The following SMYD3 variants were observed in gnomAD, a reference collection of about 807,000 sequenced individuals.
The protein encoded by SMYD3 is SET and MYND domain containing 3, also known as histone-lysine N-methyltransferase SMYD3.
A neutral mutation model predicts 57.7 loss-of-function variants in SMYD3; 36 were observed. The observed-to-expected ratio is 0.62, with a 90% CI of 0.48 to 0.82. The LOEUF is 0.82. SMYD3 is among the 40% of genes least tolerant of loss of function. The pLI is 0.00. For missense variants in SMYD3, 515 were observed against 538.8 expected (o/e 0.96, Z 0.44); for synonymous variants, 211 against 195.0 (o/e 1.08, Z -0.68).
intron 5 of SMYD3, among the ~76,000 whole-genome samples, chr1:246,144,428 A>G (rs1208203208): frequency 2.6e-5 from 4 of 152,192 alleles, no homozygotes; most frequent in African/African-American, 4.8e-5. Flanking sequence ...TAACATCTAA[A>G]ATACTGCAGC....
chr1:246,238,718 C>T (rs1306837109), intron 5 of SMYD3, among the ~76,000 whole-genome samples: 1 of 152,042 alleles, frequency 6.6e-6, no homozygotes, highest in Non-Finnish European at 1.5e-5. Context: ...GATTCTTCTA[C>T]CATTTCATTG....
intron 8 of SMYD3, among the ~76,000 whole-genome samples, chr1:245,907,507 G>C (rs1372827276): frequency 1.3e-5 from 2 of 152,100 alleles, no homozygotes; most frequent in African/African-American, 4.8e-5. Flanking sequence ...GACAATATTT[G>C]CCATCATGAA....
intron 5 of SMYD3, among the ~76,000 whole-genome samples, chr1:246,273,576 T>TA (rs1305127704): frequency 8.4e-5 from 5 of 59,624 alleles, no homozygotes; most frequent in African/African-American, 3.0e-4. Context: ...TTCACTAATC[T>TA]TTTTTTTTTT....
At chr1:246,383,689 T>C (rs1281331340) in intron 1 of SMYD3, among the ~76,000 whole-genome samples, 1 of 152,176 alleles carries the variant, frequency 6.6e-6, no homozygotes, top group African/African-American at 2.4e-5. Flanking sequence ...GGGTCAGGCA[T>C]GGTGGCTCAT....
chr1:246,210,202 C>A (rs2063064535), intron 5 of SMYD3, among the ~76,000 whole-genome samples: 3 of 152,134 alleles, frequency 2.0e-5, no homozygotes, highest in Admixed American at 2.0e-4. Flanking sequence ...CCAATGTGCC[C>A]TAAAGTTTGA....
chr1:246,177,835 A>T (rs1237071322), intron 5 of SMYD3, among the ~76,000 whole-genome samples: 2 of 152,172 alleles, frequency 1.3e-5, no homozygotes, highest in Admixed American at 1.3e-4. Context: ...CAATTAAAGA[A>T]TTTCTCCAAT....
chr1:245,885,259 T>A (rs1158610091), intron 8 of SMYD3, among the ~76,000 whole-genome samples: 1 of 152,166 alleles, frequency 6.6e-6, no homozygotes, highest in African/African-American at 2.4e-5. Flanking sequence ...ACTGTAACAC[T>A]CACCATGAGG....
intron 5 of SMYD3, among the ~76,000 whole-genome samples, chr1:246,223,083 G>T (rs774815390): frequency 6.6e-6 from 1 of 152,100 alleles, no homozygotes; most frequent in African/African-American, 2.4e-5. Context: ...CTTCCTGAAG[G>T]TTCCAGCAAA....
At chr1:246,164,690 G>A (rs1477490277) in intron 5 of SMYD3, among the ~76,000 whole-genome samples, 3 of 152,204 alleles carry the variant, frequency 2.0e-5, no homozygotes, top group East Asian at 1.9e-4. Context: ...CGTGTGCCAC[G>A]TGCCAGGCAC....
chr1:245,956,925 C>T (rs192283897), intron 5 of SMYD3, among the ~76,000 whole-genome samples: 2 of 152,348 alleles, frequency 1.3e-5, no homozygotes, highest in Admixed American at 1.3e-4. Flanking sequence ...TGGATGCCAG[C>T]TCTTGAGCAG....
At chr1:245,961,857 C>T (rs982885346) in intron 5 of SMYD3, among the ~76,000 whole-genome samples, 22 of 152,312 alleles carry the variant, frequency 1.4e-4, no homozygotes, top group African/African-American at 5.1e-4. Flanking sequence ...GCCATCACCT[C>T]GTCCTTTTAA....
chr1:246,461,707 C>G (rs1027707908), intron 1 of SMYD3, among the ~76,000 whole-genome samples: 3 of 138,998 alleles, frequency 2.2e-5, no homozygotes, highest in Non-Finnish European at 3.0e-5. Context: ...GCACTCCAGC[C>G]TGGGCAACAG....
intron 1 of SMYD3, among the ~76,000 whole-genome samples, chr1:246,463,682 A>C (rs1293975594): frequency 6.8e-6 from 1 of 147,828 alleles, no homozygotes; most frequent in African/African-American, 2.5e-5. Context: ...AAAAAAAAAA[A>C]AACATTAGCT....
At chr1:245,916,280 G>A (rs151231028) in intron 7 of SMYD3, among the ~76,000 whole-genome samples, 13 of 152,186 alleles carry the variant, frequency 8.5e-5, no homozygotes, top group East Asian at 5.8e-4. Flanking sequence ...CCCCTGCCTC[G>A]GATGGTGAAG....
At chr1:246,310,187 A>ACTCCTATCCCAC (rs771249598) in intron 5 of SMYD3, among the ~76,000 whole-genome samples, 2,357 of 152,356 alleles carry the variant, frequency 0.015, 33 homozygotes, top group African/African-American at 0.038. Context: ...TCCAATGAAC[A>ACTCCTATCCCAC]AGACCTGCTT....
At chr1:246,421,774 T>C (rs1202973153) in intron 1 of SMYD3, among the ~76,000 whole-genome samples, 1 of 152,076 alleles carries the variant, frequency 6.6e-6, no homozygotes, top group East Asian at 1.9e-4. Flanking sequence ...GCCCCAAACA[T>C]CAAGTGCAAT....
chr1:246,395,782 GGTCA>G (rs1558443079), intron 1 of SMYD3, among the ~76,000 whole-genome samples: 73 of 141,952 alleles, frequency 5.1e-4, no homozygotes, highest in African/African-American at 1.4e-3. Flanking sequence ...AACCCACCAT[GGTCA>G]GACAGGGAAG....
chr1:246,448,296 G>A (rs2067577324), intron 1 of SMYD3, among the ~76,000 whole-genome samples: 1 of 152,206 alleles, frequency 6.6e-6, no homozygotes, highest in African/African-American at 2.4e-5. Flanking sequence ...CACGCTTTGA[G>A]AACCAACGCA....
chr1:246,444,802 A>C (rs750176810), intron 1 of SMYD3, among the ~76,000 whole-genome samples: 9 of 152,240 alleles, frequency 5.9e-5, no homozygotes, highest in Non-Finnish European at 1.2e-4. Context: ...CCAGGCACAC[A>C]AAACGCAAAA....
Sources: gnomAD v4.1 joint callset for allele counts (sites outside exome capture counted in the v4.1 genomes callset) on GRCh38, gnomAD v4.1.1 for gene constraint, MANE v1.5 for transcripts, NCBI Gene and HGNC (gene_info 2026-07-23, HGNC 2026-07-21) for gene names.